Variants in ELOVL7 observed in about 807,000 individuals in gnomAD.
ELOVL7 encodes ELOVL fatty acid elongase 7, also known as very long chain fatty acid elongase 7.
Under a neutral mutation model 35.7 loss-of-function variants are expected in ELOVL7, and 27 were observed. That is an observed-to-expected ratio of 0.76 (90% CI 0.56 to 1.04). The LOEUF (loss-of-function observed/expected upper bound fraction) is 1.04. ELOVL7 is among the 50% of genes least tolerant of loss of function. The pLI is 0.00. For missense variants in ELOVL7, 327 were observed against 340.8 expected, an observed-to-expected ratio of 0.96 and a Z score of 0.32; for synonymous variants, 113 against 114.6, an observed-to-expected ratio of 0.99 and a Z score of 0.09.
intron 2 of ELOVL7, among the ~76,000 whole-genome samples, chr5:60,797,883 A>T (rs1445473381): frequency 5.9e-5 from 9 of 152,234 alleles, no homozygotes; most frequent in African/African-American, 1.7e-4. Flanking sequence ...TTTCAAAGTT[A>T]TCCTCTGCTC....
In ELOVL7 at chr5:60,754,781, T is replaced by A. The variant is rs546154166; in HGVS notation, c.689A>T (p.Asp230Val). 6.2e-7 allele frequency: 1 copy of A among 1,613,968 alleles called. No individual in the cohort carries two copies. Among genetic ancestry groups the A allele is most frequent in the Non-Finnish European group, 8.5e-7 (1 of 1,179,984 alleles). Residue 230 changes from aspartate (D) to valine (V), a missense_variant, in exon 9 of 9, where the codon GAT (aspartate) becomes GTT (valine). Coordinates refer to ENST00000508821, the MANE Select transcript of ELOVL7 (RefSeq NM_024930.3). ...IHISQFFFME[D>V]CKYQFPVFAC... ...AAAGACTGGAAACTGATACTTGCAA[T>A]CCTCCATGAAAAAGAACTGGCTTAT...
chr5:60,808,197 C>T (rs1745054554), intron 1 of ELOVL7, among the ~76,000 whole-genome samples: 1 of 149,680 alleles, frequency 6.7e-6, no homozygotes, highest in Admixed American at 6.6e-5. Flanking sequence ...AAAGGTTAAA[C>T]TAATAGAAAA....
intron 1 of ELOVL7, among the ~76,000 whole-genome samples, chr5:60,835,535 T>C (rs1746747319): frequency 6.6e-6 from 1 of 151,878 alleles, no homozygotes; most frequent in Admixed American, 6.6e-5. Flanking sequence ...CTTCAGCCTC[T>C]GGAGTAGCTA....
chr5:60,806,035 T>A (rs1744905599), intron 1 of ELOVL7, among the ~76,000 whole-genome samples: 1 of 152,174 alleles, frequency 6.6e-6, no homozygotes, highest in Admixed American at 6.5e-5. Flanking sequence ...CCAGAAGTCA[T>A]CAAATTATAA....
intron 1 of ELOVL7, among the ~76,000 whole-genome samples, chr5:60,831,230 C>T (rs921692225): frequency 1.3e-5 from 2 of 152,166 alleles, no homozygotes; most frequent in Admixed American, 6.5e-5. Context: ...AAAGTCTGTA[C>T]AGTTGGTTCA....
chr5:60,756,722 C>A (rs1400377333), intron 8 of ELOVL7, among the ~76,000 whole-genome samples: 1 of 152,070 alleles, frequency 6.6e-6, no homozygotes, highest in Non-Finnish European at 1.5e-5. Context: ...AAAAATTAAT[C>A]TTCACCACGC....
chr5:60,767,779 TA>T, intron 5 of ELOVL7, 43 bp downstream of exon 5: 1 of 1,476,198 alleles, frequency 6.8e-7, no homozygotes, highest in Non-Finnish European at 9.5e-7. Flanking sequence ...CACAAAATTT[TA>T]ACATTGATTT....
intron 6 of ELOVL7, among the ~76,000 whole-genome samples, chr5:60,765,256 A>T (rs1742166407): frequency 6.6e-6 from 1 of 152,166 alleles, no homozygotes; most frequent in South Asian, 2.1e-4. Flanking sequence ...AAAGCCATAC[A>T]CTAACACTCT....
At chr5:60,803,638 T>C (rs1042407150) in intron 1 of ELOVL7, among the ~76,000 whole-genome samples, 1 of 152,172 alleles carries the variant, frequency 6.6e-6, no homozygotes, top group African/African-American at 2.4e-5. Flanking sequence ...ACAGACAGCA[T>C]AGGGTTGGGC....
chr5:60,767,684 G>T (rs1563517), intron 5 of ELOVL7, 139 bp downstream of exon 5: 88,224 of 468,198 alleles, frequency 0.19, 14,509 homozygotes, highest in African/African-American at 0.63. Context: ...TCTTGTAATT[G>T]TTCACTTTCT....
chr5:60,769,039 T>C (rs558940654), intron 4 of ELOVL7, among the ~76,000 whole-genome samples: 1 of 152,320 alleles, frequency 6.6e-6, no homozygotes, highest in African/African-American at 2.4e-5. Context: ...TGCAACATTC[T>C]TTTCTGAGAC....
intron 3 of ELOVL7, among the ~76,000 whole-genome samples, chr5:60,780,937 G>A (rs867074659): frequency 1.3e-5 from 2 of 152,152 alleles, no homozygotes; most frequent in African/African-American, 4.8e-5. Context: ...CTGGCCAGGC[G>A]CCATGGCTCA....
At chr5:60,790,541 C>G (rs1238322971) in intron 2 of ELOVL7, among the ~76,000 whole-genome samples, 2 of 152,186 alleles carry the variant, frequency 1.3e-5, no homozygotes, top group Non-Finnish European at 2.9e-5. Flanking sequence ...TCAGCATGGC[C>G]TCTGTATTGA....
At chr5:60,832,332 G>T (rs926767005) in intron 1 of ELOVL7, among the ~76,000 whole-genome samples, 1 of 152,072 alleles carries the variant, frequency 6.6e-6, no homozygotes, top group Non-Finnish European at 1.5e-5. Context: ...TCTGTCTACT[G>T]ATGAAATAGT....
Position 60,806,646 on chromosome 5 carries a change from T to G in ELOVL7, c.-85-7416A>C, listed in dbSNP as rs564395033. ...TAACAGAAATTTATTGTCTCACAGT[T>G]CTGGATGCTAGAAGTCTAAAATCAA... On this transcript the variant is annotated intron_variant, in intron 1 of 8. Transcript: ENST00000508821. 4.6e-5 allele frequency among the ~76,000 whole-genome samples: 7 copies of G among 152,308 alleles called. No individual in the cohort carries two copies. The East Asian group carries it at 1.4e-3, about 29-fold the overall frequency.
intron 1 of ELOVL7, among the ~76,000 whole-genome samples, chr5:60,816,112 G>A (rs1745500179): frequency 6.6e-6 from 1 of 152,154 alleles, no homozygotes. Flanking sequence ...AGGTGTGGTG[G>A]CTCATGCCTA....
intron 1 of ELOVL7, among the ~76,000 whole-genome samples, chr5:60,837,221 G>A (rs1388652604): frequency 6.7e-6 from 1 of 149,086 alleles, no homozygotes; most frequent in Non-Finnish European, 1.5e-5. Flanking sequence ...ATCACCTGAG[G>A]TCGGGAGTCG....
rs10072745 is a variant in ELOVL7 at position 60,787,448 on chromosome 5, C to A, written c.-34-17G>T. 736,009 of 1,370,606 alleles carry A rather than the reference C, an allele frequency of 0.54. 202,118 individuals are homozygous for A. The highest frequency in any genetic ancestry group is 0.9 in the East Asian group (37,048 of 41,070). 84.9% of individuals were successfully genotyped at this position (1,370,606 alleles called of 1,614,324 possible). ...TAATGGGTTCTTCAGTAAAATAAAA[C>A]AGAAATGAGTTTATAATCTATAAAT... On this transcript the variant is annotated splice_polypyrimidine_tract_variant and intron_variant, in intron 2 of 8. Coordinates refer to ENST00000508821, the MANE Select transcript of ELOVL7 (RefSeq NM_024930.3).
At chr5:60,827,680 C>A (rs1746248468) in intron 1 of ELOVL7, among the ~76,000 whole-genome samples, 1 of 152,036 alleles carries the variant, frequency 6.6e-6, no homozygotes, top group Non-Finnish European at 1.5e-5. Flanking sequence ...AAAGAATTGC[C>A]CAGAAGAGTG....
Sources: gnomAD v4.1 joint callset for allele counts (sites outside exome capture counted in the v4.1 genomes callset) on GRCh38, gnomAD v4.1.1 for gene constraint, MANE v1.5 for transcripts, NCBI Gene and HGNC (gene_info 2026-07-23, HGNC 2026-07-21) for gene names.